BORA: variants seen among roughly 807,000 people sequenced by gnomAD.
BORA encodes the protein BORA aurora kinase A activator, also known as protein aurora borealis.
BORA carries 26 observed loss-of-function variants against 55.8 expected under a neutral mutation model. The ratio of observed to expected loss-of-function variants is 0.47; its 90% CI spans 0.34 to 0.65. The LOEUF (loss-of-function observed/expected upper bound fraction) is 0.65, where lower values mean the gene tolerates loss of function less well. Ranked by LOEUF, BORA falls within the 30% of genes least tolerant of loss-of-function variation. BORA has a pLI of 0.01. For missense variants in BORA, 568 were observed against 671.5 expected (o/e 0.85, Z 1.70); for synonymous variants, 201 against 216.9 (o/e 0.93, Z 0.64).
intron 4 of BORA, 85 bp downstream of exon 4, chr13:72,735,090 T>C: frequency 9.3e-7 from 1 of 1,073,934 alleles, no homozygotes; most frequent in South Asian, 1.3e-5. Context: ...CTTTCTTCAA[T>C]TCCTTCACTG....
intron 11 of BORA, 37 bp from the exon 12 acceptor site, chr13:72,755,110 CTACT>C: frequency 1.3e-6 from 2 of 1,568,738 alleles, no homozygotes; most frequent in Non-Finnish European, 1.8e-6. Flanking sequence ...TCCAGTGGTC[CTACT>C]TAAACTGAAA....
chr13:72,733,267 C>T (rs2032855540), intron 3 of BORA, among the ~76,000 whole-genome samples: 1 of 152,132 alleles, frequency 6.6e-6, no homozygotes, highest in Non-Finnish European at 1.5e-5. Flanking sequence ...ACCATCCACA[C>T]AGAAAATTGT....
rs200448865 is a variant in BORA at position 72,745,109 on chromosome 13, G to A, written c.640G>A (p.Gly214Arg). The A allele has an allele frequency of 8.1e-5, 131 of 1,614,084 alleles. No homozygotes were observed. The Admixed American group carries it at 1.9e-3, about 23-fold the overall frequency. Residue 214 changes from glycine to arginine, a missense_variant, in exon 8 of 12, where the codon GGA becomes AGA. Transcript: ENST00000390667. ...ISDSLPSASP[G>R]SPHSGVQTSL... Reference sequence around the variant, plus strand: ...CGACTCCTTACCTTCGGCTTCTCCCGGAAGTCCTCACAGTGGTGTTCAAAC... The same window carrying A: ...CGACTCCTTACCTTCGGCTTCTCCCAGAAGTCCTCACAGTGGTGTTCAAAC...
chr13:72,731,233 A>G lies in BORA; in HGVS notation c.154-48A>G, dbSNP rs777504091. On this transcript the variant is annotated intron_variant, in intron 2 of 11. Transcript: ENST00000390667. ...TCTCACATAGGTTAGCATTTTGATG[A>G]ACTATTTTAGTTTGCCTTTACTCAT... 4 of 1,087,350 alleles carry G rather than the reference A, an allele frequency of 3.7e-6. No homozygotes were observed. In the South Asian group the frequency reaches 5.4e-5, roughly 15 times the overall value. The allele number at this position is 1,087,350 out of a possible 1,614,324, so 67.4% of individuals were successfully genotyped here.
intron 11 of BORA, 111 bp from the exon 12 acceptor site, chr13:72,755,040 C>T (rs1051218712): frequency 1.6e-5 from 13 of 805,040 alleles, no homozygotes; most frequent in African/African-American, 3.4e-5. Flanking sequence ...ACTGTCCCTT[C>T]AGAGTTCAGC....
chr13:72,739,359 G>C (rs886064699), intron 5 of BORA, among the ~76,000 whole-genome samples: 1 of 152,150 alleles, frequency 6.6e-6, no homozygotes, highest in African/African-American at 2.4e-5. Flanking sequence ...ATCTAATCAA[G>C]CCCACGATAA....
At chr13:72,745,450 A>AGG (rs1296673517) in intron 8 of BORA, among the ~76,000 whole-genome samples, 1 of 152,156 alleles carries the variant, frequency 6.6e-6, no homozygotes, top group Non-Finnish European at 1.5e-5. Flanking sequence ...TGCTTTCAGA[A>AGG]GGAGGGATGG....
At chr13:72,740,017 T>C (rs376108191) in intron 5 of BORA, among the ~76,000 whole-genome samples, 1 of 5,578 alleles carries the variant, frequency 1.8e-4, no homozygotes, top group African/African-American at 2.4e-4. Flanking sequence ...GGTATGAGGG[T>C]TGGGGGGTCA....
chr13:72,739,822 T>A (rs7984673), intron 5 of BORA, among the ~76,000 whole-genome samples: 1 of 151,958 alleles, frequency 6.6e-6, no homozygotes, highest in African/African-American at 2.4e-5. Context: ...ACAGCATACC[T>A]GAACACCACA....
intron 5 of BORA, among the ~76,000 whole-genome samples, chr13:72,740,817 G>GTAATA (rs1356051975): frequency 6.6e-6 from 1 of 152,178 alleles, no homozygotes; most frequent in Non-Finnish European, 1.5e-5. Flanking sequence ...TTACTCTAGT[G>GTAATA]TAATATTATC....
chr13:72,740,988 T>G (rs1012568816), intron 5 of BORA, among the ~76,000 whole-genome samples: 3 of 152,178 alleles, frequency 2.0e-5, no homozygotes, highest in African/African-American at 7.2e-5. Context: ...TACCTAAAGA[T>G]TAACAAATAA....
Position 72,743,573 on chromosome 13 carries a change from A to G in BORA, c.425A>G (p.Lys142Arg), listed in dbSNP as rs189819729. The change falls in exon 6 of 12, where the codon AAG becomes AGG. Residue 142 changes from lysine (K) to arginine (R), a missense_variant. Transcript: ENST00000390667. ...AATAGTGACTCTCCAGTTGGAAAAA[A>G]GCTGACCATTCATTCTGAGAAAAGC... is the stretch of plus-strand genomic sequence containing the variant. ...NINSDSPVGK[K>R]LTIHSEKSDA... 2.4e-3 allele frequency: 3,898 copies of G among 1,610,806 alleles called. 11 individuals carry two copies. The highest frequency in any genetic ancestry group is 2.2e-3 in the Non-Finnish European group (2,634 of 1,178,416).
intron 11 of BORA, 163 bp from the exon 12 acceptor site, chr13:72,754,988 C>G: frequency 1.7e-6 from 1 of 583,550 alleles, no homozygotes; most frequent in Non-Finnish European, 3.0e-6. Context: ...TGTTGGGATG[C>G]TTTTTGATGC....
chr13:72,739,150 T>G (rs543806410), intron 5 of BORA, among the ~76,000 whole-genome samples: 3 of 152,328 alleles, frequency 2.0e-5, no homozygotes, highest in South Asian at 2.1e-4. Context: ...CCCCCAGCTC[T>G]AAAATTGTGT....
intron 10 of BORA, 81 bp from the exon 11 acceptor site, chr13:72,753,607 TGA>T (rs1490350750): frequency 1.5e-6 from 2 of 1,375,246 alleles, no homozygotes; most frequent in African/African-American, 1.5e-5. Context: ...ATGTAGTGAA[TGA>T]GAGTTTATAG....
intron 10 of BORA, among the ~76,000 whole-genome samples, chr13:72,751,314 G>A (rs2033268307): frequency 6.6e-6 from 1 of 152,108 alleles, no homozygotes; most frequent in Non-Finnish European, 1.5e-5. Flanking sequence ...GTTTATTGCT[G>A]CACTATTCAT....
At chr13:72,750,157 C>T (rs1298253359) in intron 10 of BORA, among the ~76,000 whole-genome samples, 1 of 152,068 alleles carries the variant, frequency 6.6e-6, no homozygotes. Flanking sequence ...CTGAAGGAGA[C>T]TGAAAAGAAC....
chr13:72,730,160 C>T (rs2032782165), intron 2 of BORA, among the ~76,000 whole-genome samples: 1 of 152,052 alleles, frequency 6.6e-6, no homozygotes, highest in Non-Finnish European at 1.5e-5. Context: ...GATCTTTCAA[C>T]CTACCAAGTT....
chr13:72,745,572 G>A (rs1397399796), intron 8 of BORA, among the ~76,000 whole-genome samples: 1 of 152,186 alleles, frequency 6.6e-6, no homozygotes, highest in Admixed American at 6.5e-5. Flanking sequence ...ATATGTACAG[G>A]ATGACCAGAT....
Sources: gnomAD v4.1 joint callset for allele counts (sites outside exome capture counted in the v4.1 genomes callset) on GRCh38, gnomAD v4.1.1 for gene constraint, MANE v1.5 for transcripts, NCBI Gene and HGNC (gene_info 2026-07-23, HGNC 2026-07-21) for gene names.